The following SYNDIG1 variants were observed in gnomAD, a reference collection of about 807,000 sequenced individuals.
The protein encoded by SYNDIG1 is synapse differentiation inducing 1.
In SYNDIG1, 9 loss-of-function variants were observed where a neutral mutation model predicts 19.4. That is an observed-to-expected ratio of 0.46 (90% CI 0.28 to 0.81). The LOEUF is 0.81. Ranked by LOEUF, SYNDIG1 falls within the 30% of genes least tolerant of loss-of-function variation. The pLI, the probability that SYNDIG1 is intolerant of heterozygous loss-of-function variation, is 0.12. For synonymous variants in SYNDIG1, 141 were observed against 145.9 expected (o/e 0.97, Z 0.24); for missense variants, 311 against 343.3 (o/e 0.91, Z 0.74).
chr20:24,533,239 C>T lies in SYNDIG1; in HGVS notation c.-78-9781C>T, dbSNP rs192169126. ...CCTTTTTCTAATTTTTGTTGTAAGA[C>T]GTGTTTGTCCACGTAGGCACATTAC... On this transcript the variant is annotated intron_variant, in intron 1 of 3. Transcript: ENST00000376862. Among the ~76,000 whole-genome samples, 148 of 152,134 alleles carry T rather than the reference C, an allele frequency of 9.7e-4. 3 individuals carry two copies. In the South Asian group the frequency reaches 0.014, roughly 15 times the overall value.
intron 2 of SYNDIG1, among the ~76,000 whole-genome samples, chr20:24,548,972 G>T (rs1210098252): frequency 6.6e-6 from 1 of 151,932 alleles, no homozygotes; most frequent in Non-Finnish European, 1.5e-5. Flanking sequence ...TATTCATGGG[G>T]TATATAGTGA....
chr20:24,583,003 G>A (rs926819059), intron 2 of SYNDIG1, among the ~76,000 whole-genome samples: 4 of 152,206 alleles, frequency 2.6e-5, no homozygotes, highest in African/African-American at 7.2e-5. Context: ...CAAGTTCCAC[G>A]AGAGGCCACC....
intron 3 of SYNDIG1, among the ~76,000 whole-genome samples, chr20:24,624,231 G>A (rs1055712001): frequency 1.3e-5 from 2 of 148,750 alleles, no homozygotes; most frequent in African/African-American, 2.5e-5. Flanking sequence ...AATCCAGCCC[G>A]GGTGACAGAA....
chr20:24,643,971 C>A (rs888099940), intron 3 of SYNDIG1, among the ~76,000 whole-genome samples: 2 of 152,204 alleles, frequency 1.3e-5, no homozygotes, highest in South Asian at 2.1e-4. Context: ...TGAGCCTTAG[C>A]AATAATTAGC....
rs145606663 is a variant in SYNDIG1, at chr20:24,543,475, C to T, written c.378C>T (p.Leu126=). Residue 126 remains leucine (L), a synonymous_variant, in exon 2 of 4, where the codon CTC becomes CTT. Coordinates refer to ENST00000376862, the MANE Select transcript of SYNDIG1 (RefSeq NM_024893.3). ...ACCGGTCGCCCACCAAAGACAGCCT[C>T]GAGTACCCGGATGGGAAGTTCATTG... is the stretch of plus-strand genomic sequence containing the variant. ...IEDRSPTKDS[L]EYPDGKFIDL... The T allele has an allele frequency of 4.3e-6, 7 of 1,613,320 alleles. No individual in the cohort carries two copies. The highest frequency in any genetic ancestry group is 5.9e-6 in the Non-Finnish European group (7 of 1,180,020).
intron 3 of SYNDIG1, among the ~76,000 whole-genome samples, chr20:24,638,899 C>A (rs941201534): frequency 2.0e-5 from 3 of 152,108 alleles, no homozygotes; most frequent in Admixed American, 6.5e-5. Context: ...CAGGGGTAGC[C>A]CAGGGGTGCC....
chr20:24,545,238 G>A (rs1333721867), intron 2 of SYNDIG1, among the ~76,000 whole-genome samples: 3 of 152,104 alleles, frequency 2.0e-5, no homozygotes, highest in Admixed American at 6.5e-5. Flanking sequence ...GTGGAGAGTC[G>A]TGGCATGGAA....
At chr20:24,648,190 A>G (rs1198330298) in intron 3 of SYNDIG1, among the ~76,000 whole-genome samples, 1 of 152,228 alleles carries the variant, frequency 6.6e-6, no homozygotes, top group East Asian at 1.9e-4. Flanking sequence ...CATGCAGTCC[A>G]TAGCAGTTTG....
intron 2 of SYNDIG1, among the ~76,000 whole-genome samples, chr20:24,564,123 T>C (rs955239900): frequency 1.3e-5 from 2 of 152,002 alleles, no homozygotes; most frequent in African/African-American, 4.8e-5. Context: ...AAAAACAGCA[T>C]CTCCTACTTA....
Position 24,665,554 on chromosome 20 carries a change from T to C in SYNDIG1, c.*50T>C, listed in dbSNP as rs760706568. The C allele has an allele frequency of 1.9e-6, 3 of 1,608,232 alleles. No homozygotes were observed. Among genetic ancestry groups the C allele is most frequent in the South Asian group, 2.2e-5 (2 of 90,096 alleles). ...ACCCGGGGCCAGGTCTGTGTGGACG[T>C]GGAGGAAGCAGGCATACCGCATGAT... On this transcript the variant is annotated 3_prime_UTR_variant, in exon 4 of 4. Transcript: ENST00000376862.
At position 24,549,995 on chromosome 20, in the gene SYNDIG1, C is replaced by T. The variant is rs555610166; in HGVS notation, c.480+6418C>T. On this transcript the variant is annotated intron_variant, in intron 2 of 3. Transcript: ENST00000376862. ...ATCTGTCTATTTGCTGGTCTTCTGG[C>T]TTGCTAGTCTGCTTCTGGGTCCTGG... Among the ~76,000 whole-genome samples, 6 of 152,288 alleles carry T rather than the reference C, an allele frequency of 3.9e-5. No homozygotes were observed. The East Asian group carries it at 1.2e-3, about 29-fold the overall frequency.
chr20:24,483,397 A>G (rs1279096914), intron 1 of SYNDIG1, among the ~76,000 whole-genome samples: 1 of 152,190 alleles, frequency 6.6e-6, no homozygotes, highest in African/African-American at 2.4e-5. Context: ...GATTAGGAAA[A>G]AAAACCCAAA....
At chr20:24,512,382 T>G (rs2056767124) in intron 1 of SYNDIG1, among the ~76,000 whole-genome samples, 1 of 151,530 alleles carries the variant, frequency 6.6e-6, no homozygotes, top group Non-Finnish European at 1.5e-5. Flanking sequence ...GGGAATTCCC[T>G]TTCCTAGCCA....
chr20:24,600,073 G>A (rs991475647), intron 3 of SYNDIG1, among the ~76,000 whole-genome samples: 5 of 152,178 alleles, frequency 3.3e-5, no homozygotes, highest in Admixed American at 1.3e-4. Context: ...TTATGCTACA[G>A]TATACAGTCA....
chr20:24,481,435 G>C (rs1402301304), intron 1 of SYNDIG1, among the ~76,000 whole-genome samples: 2 of 152,170 alleles, frequency 1.3e-5, no homozygotes, highest in African/African-American at 4.8e-5. Flanking sequence ...TCCCAGCATG[G>C]TGTCAAGGGG....
intron 3 of SYNDIG1, among the ~76,000 whole-genome samples, chr20:24,660,153 G>A (rs2059569702): frequency 6.6e-6 from 1 of 152,178 alleles, no homozygotes; most frequent in Non-Finnish European, 1.5e-5. Flanking sequence ...AGGGCTTCCA[G>A]GTCAGGGCAA....
intron 1 of SYNDIG1, among the ~76,000 whole-genome samples, chr20:24,514,290 T>C (rs930132830): frequency 1.3e-5 from 2 of 152,202 alleles, no homozygotes; most frequent in African/African-American, 4.8e-5. Flanking sequence ...ACCTTAAATG[T>C]AAATGGACTA....
chr20:24,469,957 G>C (rs1361214803), intron 1 of SYNDIG1, among the ~76,000 whole-genome samples: 7 of 151,946 alleles, frequency 4.6e-5, no homozygotes, highest in Non-Finnish European at 8.8e-5. Context: ...GACGAGACTT[G>C]GGAGACACGG....
At chr20:24,598,035 G>A (rs954607794) in intron 3 of SYNDIG1, among the ~76,000 whole-genome samples, 3 of 152,192 alleles carry the variant, frequency 2.0e-5, no homozygotes, top group African/African-American at 7.2e-5. Flanking sequence ...TGGAACCCAG[G>A]TTAAAGAGGG....
Sources: allele counts gnomAD v4.1 joint callset (sites outside exome capture counted in the v4.1 genomes callset), GRCh38; gene constraint gnomAD v4.1.1; transcripts MANE v1.5; gene names NCBI Gene and HGNC (gene_info 2026-07-23, HGNC 2026-07-21).